Variants in AR observed in about 807,000 individuals in gnomAD.
AR encodes androgen receptor.
AR carries 8 observed loss-of-function variants against 53.9 expected under a neutral mutation model. The observed-to-expected ratio is 0.15, with a 90% CI of 0.09 to 0.27. AR has a LOEUF of 0.27. Ranked by LOEUF, AR falls within the 10% of genes least tolerant of loss-of-function variation. The probability of loss-of-function intolerance (pLI) is 1.00; values close to 1 mark genes in which losing one functional copy is unlikely to be tolerated. For synonymous variants in AR, 359 were observed against 316.4 expected (o/e 1.13, Z -1.43); for missense variants, 639 against 742.5 (o/e 0.86, Z 1.62).
chrX:67,545,331 A>T lies in AR; in HGVS notation c.185A>T (p.Gln62Leu), dbSNP rs746341152. The T allele has an allele frequency of 1.5e-5, 15 of 1,003,424 alleles. No homozygotes were observed. Among genetic ancestry groups the T allele is most frequent in the Middle Eastern group, 3.6e-4 (1 of 2,770 alleles). 82.7% of individuals were successfully genotyped at this position (1,003,424 alleles called of 1,213,427 possible). ...TTGCTGCTGCTGCAGCAGCAGCAGCAGCAGCAGCAGCAGCAGCAGCAGCAG... is the reference window on the plus strand; with the variant it reads ...TTGCTGCTGCTGCAGCAGCAGCAGCTGCAGCAGCAGCAGCAGCAGCAGCAG... The part of the protein sequence containing the change: ...ASLLLLQQQQ[Q>L]QQQQQQQQQQ... The change falls in exon 1 of 8, where the codon CAG (glutamine) becomes CTG (leucine). Residue 62 changes from glutamine (Q) to leucine (L), a missense_variant. Gln to Leu is a moderately radical substitution (Grantham distance 113). Coordinates refer to ENST00000374690, the MANE Select transcript of AR (RefSeq NM_000044.6).
chrX:67,581,301 T>C (rs1166746398), intron 1 of AR, among the ~76,000 whole-genome samples: 1 of 111,935 alleles, frequency 8.9e-6, no homozygotes, highest in African/African-American at 3.2e-5. Flanking sequence ...GTACCTCTTA[T>C]ATAGAATGTG....
intron 3 of AR, among the ~76,000 whole-genome samples, chrX:67,694,236 T>C (rs762083442): frequency 3.6e-5 from 4 of 110,771 alleles, no homozygotes; most frequent in African/African-American, 1.3e-4. Context: ...GTTTGGCTGC[T>C]GCAAGAAATT....
chrX:67,710,507 T>C (rs1288328467), intron 3 of AR, among the ~76,000 whole-genome samples: 4 of 110,073 alleles, frequency 3.6e-5, no homozygotes, highest in Admixed American at 1.9e-4. Context: ...TTACTATTTT[T>C]TGTGGAGATG....
At chrX:67,593,196 T>C (rs147198457) in intron 1 of AR, among the ~76,000 whole-genome samples, 1 of 111,154 alleles carries the variant, frequency 9.0e-6, no homozygotes, top group Non-Finnish European at 1.9e-5. Context: ...CTTTGGAAAC[T>C]TTTTACCTTT....
chrX:67,549,691 A>C (rs1213887432), intron 1 of AR, among the ~76,000 whole-genome samples: 1 of 111,859 alleles, frequency 8.9e-6, no homozygotes, highest in Non-Finnish European at 1.9e-5. Flanking sequence ...GTTCTAAGAG[A>C]GTGCATGCCA....
chrX:67,637,822 CT>C (rs1178085160), intron 1 of AR, among the ~76,000 whole-genome samples: 3 of 110,403 alleles, frequency 2.7e-5, no homozygotes, highest in East Asian at 5.7e-4. Context: ...TATCTGATAA[CT>C]TTTTTTTCTT....
At position 67,546,352 on chromosome X, in the gene AR, G is replaced by A. The variant is rs748391948; in HGVS notation, c.1206G>A (p.Ala402=). 1 of 1,187,063 alleles carries A rather than the reference G, an allele frequency of 8.4e-7. No individual in the cohort carries two copies. Among genetic ancestry groups the A allele is most frequent in the Non-Finnish European group, 1.1e-6 (1 of 883,832 alleles). The change falls in exon 1 of 8, where the codon GCG becomes GCA. Residue 402 remains alanine (A), a synonymous_variant. Coordinates refer to ENST00000374690, the MANE Select transcript of AR (RefSeq NM_000044.6). ...PLDYGSAWAA[A]AAQCRYGDLA... is the part of the protein sequence containing the mutation. ...ACTACGGCAGCGCCTGGGCGGCTGC[G>A]GCGGCGCAGTGCCGCTATGGGGACC... is the stretch of plus-strand genomic sequence containing the variant.
chrX:67,664,305 A>T (rs1927127598), intron 2 of AR, among the ~76,000 whole-genome samples: 1 of 111,466 alleles, frequency 9.0e-6, no homozygotes, highest in Non-Finnish European at 1.9e-5. Context: ...TTTGGTGTGG[A>T]TGTCCTTTCT....
At chrX:67,610,096 A>G (rs1473616630) in intron 1 of AR, among the ~76,000 whole-genome samples, 3 of 111,509 alleles carry the variant, frequency 2.7e-5, no homozygotes, top group Non-Finnish European at 5.6e-5. Flanking sequence ...CTTAGGGCAC[A>G]TCTAAAAATC....
chrX:67,545,959 A>G lies in AR; in HGVS notation c.813A>G (p.Pro271=), dbSNP rs2147318583. The change falls in exon 1 of 8, where the codon CCA becomes CCG. Residue 271 remains proline (P), a synonymous_variant. Transcript: ENST00000374690. The stretch of plus-strand genomic sequence containing the variant: ...TTCGGGGGGATTGCATGTACGCCCC[A>G]CTTTTGGGAGTTCCACCCGCTGTGC... ...EQLRGDCMYA[P]LLGVPPAVRP... is the part of the protein sequence containing the mutation. 2.5e-6 allele frequency: 3 copies of G among 1,212,086 alleles called. No homozygotes were observed. The highest frequency in any genetic ancestry group is 3.5e-5 in the South Asian group (2 of 57,027).
chrX:67,705,941 A>G (rs779252727), intron 3 of AR, among the ~76,000 whole-genome samples: 2 of 111,911 alleles, frequency 1.8e-5, no homozygotes, highest in East Asian at 2.8e-4. Context: ...TGTATGCTCA[A>G]TTACATTTAT....
chrX:67,546,914 G>A, intron 1 of AR, 152 bp downstream of exon 1: 1 of 650,947 alleles, frequency 1.5e-6, no homozygotes, highest in Non-Finnish European at 2.4e-6. Context: ...GTGGACTCCC[G>A]GCCTGCCAGA....
chrX:67,638,080 T>C (rs1925544230), intron 1 of AR, among the ~76,000 whole-genome samples: 1 of 111,308 alleles, frequency 9.0e-6, no homozygotes, highest in Non-Finnish European at 1.9e-5. Flanking sequence ...CAGTGTTTGA[T>C]TTTCTTTTCT....
chrX:67,648,045 A>G (rs1397037987), intron 2 of AR, among the ~76,000 whole-genome samples: 1 of 112,120 alleles, frequency 8.9e-6, no homozygotes, highest in East Asian at 2.8e-4. Flanking sequence ...GCTTTAGCTA[A>G]TCACTTCTGT....
At chrX:67,609,432 C>G (rs1202330856) in intron 1 of AR, among the ~76,000 whole-genome samples, 1 of 111,189 alleles carries the variant, frequency 9.0e-6, no homozygotes, top group Non-Finnish European at 1.9e-5. Flanking sequence ...TTATTCTACC[C>G]TATTTTCCAT....
intron 1 of AR, among the ~76,000 whole-genome samples, chrX:67,638,130 C>G (rs1291146494): frequency 1.8e-5 from 2 of 111,201 alleles, no homozygotes; most frequent in Non-Finnish European, 3.8e-5. Context: ...CAGCTTCATC[C>G]ATGTCCCTGC....
intron 1 of AR, among the ~76,000 whole-genome samples, chrX:67,610,885 A>G (rs1239244913): frequency 2.7e-5 from 3 of 111,490 alleles, no homozygotes; most frequent in African/African-American, 9.8e-5. Flanking sequence ...TGGATTGAAT[A>G]TTGGTGCCAC....
rs1421019552 is a variant in AR, at chrX:67,546,553, C to A, written c.1407C>A (p.Gly469=). 1.4e-5 allele frequency: 13 copies of A among 937,172 alleles called. No homozygotes were observed. The highest frequency in any genetic ancestry group is 1.7e-5 in the Non-Finnish European group (13 of 745,415). 77.2% of individuals were successfully genotyped at this position (937,172 alleles called of 1,213,427 possible). A position where few individuals can be genotyped will look rare whatever the true frequency, so the allele number is the denominator to read the frequency against. ...GCGGCGGCGGCGGCGGCGGCGGCGG[C>A]GGCGGCGGCGGCGAGGCGGGAGCTG... The part of the protein sequence containing the change: ...GGGGGGGGGG[G]GGGGEAGAVA... The change falls in exon 1 of 8, where the codon GGC becomes GGA. Residue 469 remains glycine (G), a synonymous_variant. Transcript: ENST00000374690.
At chrX:67,675,583 G>A (rs776428218) in intron 2 of AR, among the ~76,000 whole-genome samples, 30 of 111,401 alleles carry the variant, frequency 2.7e-4, no homozygotes, top group Non-Finnish European at 5.5e-4. Flanking sequence ...GCAACATTGA[G>A]TTTCAATGCA....
Sources: gnomAD v4.1 joint callset for allele counts (sites outside exome capture counted in the v4.1 genomes callset) on GRCh38, gnomAD v4.1.1 for gene constraint, MANE v1.5 for transcripts, NCBI Gene and HGNC (gene_info 2026-07-23, HGNC 2026-07-21) for gene names.